The following NRG1 variants were observed in gnomAD, a reference collection of about 807,000 sequenced individuals.
The protein encoded by NRG1 is neuregulin 1, also known as pro-neuregulin-1, membrane-bound isoform.
Under a neutral mutation model 63.8 loss-of-function variants are expected in NRG1, and 18 were observed. The ratio of observed to expected loss-of-function variants is 0.28; its 90% CI spans 0.19 to 0.42. The LOEUF is 0.42. Among genes scored for constraint, NRG1 ranks in the 10% least tolerant of loss-of-function variants. The probability of loss-of-function intolerance (pLI) is 1.00; values close to 1 mark genes in which losing one functional copy is unlikely to be tolerated. For missense variants in NRG1, 762 were observed against 814.7 expected, an observed-to-expected ratio of 0.94 and a Z score of 0.79; for synonymous variants, 302 against 301.3, an observed-to-expected ratio of 1.00 and a Z score of -0.02.
chr8:32,518,527 T>G (rs1052628234), intron 1 of NRG1, among the ~76,000 whole-genome samples: 1 of 152,098 alleles, frequency 6.6e-6, no homozygotes, highest in Non-Finnish European at 1.5e-5. Flanking sequence ...TGGAATGTAA[T>G]TTGTACAAAG....
At chr8:31,660,504 G>A (rs978579188) in intron 1 of NRG1, among the ~76,000 whole-genome samples, 1 of 152,158 alleles carries the variant, frequency 6.6e-6, no homozygotes, top group African/African-American at 2.4e-5. Context: ...GAAGAATGTT[G>A]CATATATTAT....
intron 1 of NRG1, among the ~76,000 whole-genome samples, chr8:32,343,631 A>T (rs1173224704): frequency 6.6e-6 from 1 of 152,216 alleles, no homozygotes; most frequent in Admixed American, 6.5e-5. Flanking sequence ...GGGAGGTGGT[A>T]GTGGTGAATC....
In NRG1 at chr8:32,011,652, T is replaced by C. The variant is rs891809974; in HGVS notation, c.37+372221T>C. Among the ~76,000 whole-genome samples, 7 of 152,208 alleles carry C rather than the reference T, an allele frequency of 4.6e-5. No individual in the cohort carries two copies. The East Asian group carries it at 1.4e-3, about 29-fold the overall frequency. On this transcript the variant is annotated intron_variant, in intron 1 of 10. Coordinates refer to the NRG1 transcript ENST00000519301. Reference sequence around the variant, plus strand: ...GCTACAAAATGTTGTTTGTGGACAATTCTCCTGAGCACCACTCTCCCTCTC... The same window carrying C: ...GCTACAAAATGTTGTTTGTGGACAACTCTCCTGAGCACCACTCTCCCTCTC...
At chr8:32,055,151 A>G (rs1337608446) in intron 1 of NRG1, among the ~76,000 whole-genome samples, 1 of 151,836 alleles carries the variant, frequency 6.6e-6, no homozygotes, top group East Asian at 1.9e-4. Context: ...TGGCCTCCCA[A>G]AGTGCTGGGA....
intron 1 of NRG1, among the ~76,000 whole-genome samples, chr8:31,790,124 C>T (rs1198799125): frequency 6.6e-6 from 1 of 152,116 alleles, no homozygotes; most frequent in Non-Finnish European, 1.5e-5. Context: ...ACATTGCCCA[C>T]TAATACACAT....
chr8:32,229,832 T>C (rs886504784), intron 1 of NRG1, among the ~76,000 whole-genome samples: 1 of 151,930 alleles, frequency 6.6e-6, no homozygotes, highest in Non-Finnish European at 1.5e-5. Context: ...TAGAATTCTC[T>C]AGACACATTT....
intron 1 of NRG1, among the ~76,000 whole-genome samples, chr8:31,847,623 A>G (rs753175138): frequency 3.9e-5 from 6 of 152,204 alleles, no homozygotes; most frequent in Non-Finnish European, 5.9e-5. Flanking sequence ...CCCTTTTATC[A>G]TATTGGGTTA....
chr8:32,648,531 A>G (rs1349670852), intron 5 of NRG1: 12 of 1,235,316 alleles, frequency 9.7e-6, no homozygotes, highest in African/African-American at 3.1e-5. Context: ...TTGGGATGGC[A>G]TTGAAGGGCC....
intron 1 of NRG1, among the ~76,000 whole-genome samples, chr8:31,799,762 G>A (rs866094121): frequency 6.6e-6 from 1 of 151,856 alleles, no homozygotes; most frequent in Non-Finnish European, 1.5e-5. Flanking sequence ...ATACACGTAT[G>A]CATACATATA....
rs530449811 is a variant in NRG1, at chr8:32,647,219, A to T, written c.502+30334A>T. 262 of 985,178 alleles carry T rather than the reference A, an allele frequency of 2.7e-4. 2 individuals carry two copies. The African/African-American group carries it at 4.1e-3, about 15-fold the overall frequency. 61.0% of individuals were successfully genotyped at this position (985,178 alleles called of 1,614,324 possible). On this transcript the variant is annotated intron_variant, in intron 5 of 11. Coordinates refer to ENST00000356819, the Ensembl canonical transcript of NRG1. Reference sequence around the variant, plus strand: ...ACAACAGGATGCTGTTGCTATTGTCACTACTGCCTCTCCTGCCGCCGCTGC... The same window carrying T: ...ACAACAGGATGCTGTTGCTATTGTCTCTACTGCCTCTCCTGCCGCCGCTGC...
intron 1 of NRG1, among the ~76,000 whole-genome samples, chr8:32,172,429 A>C (rs940135013): frequency 6.6e-6 from 1 of 152,238 alleles, no homozygotes; most frequent in Non-Finnish European, 1.5e-5. Context: ...AACTCTAAAA[A>C]TCAGAACGCC....
chr8:32,108,075 A>G (rs538864927), intron 1 of NRG1, among the ~76,000 whole-genome samples: 17 of 152,168 alleles, frequency 1.1e-4, no homozygotes, highest in Non-Finnish European at 2.2e-4. Flanking sequence ...ATGTAGATTC[A>G]TATCAAAAAT....
intron 1 of NRG1, chr8:32,139,307 C>A (rs1017963814): frequency 6.6e-6 from 1 of 152,138 alleles, no homozygotes; most frequent in Non-Finnish European, 1.5e-5. Flanking sequence ...AGGCAAACAC[C>A]TGGGGGAGAA....
chr8:32,325,535 A>T (rs1211726357), intron 1 of NRG1, among the ~76,000 whole-genome samples: 1 of 152,048 alleles, frequency 6.6e-6, no homozygotes, highest in Non-Finnish European at 1.5e-5. Context: ...ATGTGCTGCT[A>T]TGCCTGGTTA....
chr8:32,432,712 C>T (rs1468369904), intron 1 of NRG1, among the ~76,000 whole-genome samples: 4 of 151,836 alleles, frequency 2.6e-5, no homozygotes, highest in Admixed American at 6.6e-5. Flanking sequence ...AGGCTGGTCT[C>T]GAACTCCTTT....
At chr8:32,166,525 G>A (rs1217721185) in intron 1 of NRG1, among the ~76,000 whole-genome samples, 1 of 152,144 alleles carries the variant, frequency 6.6e-6, no homozygotes, top group African/African-American at 2.4e-5. Flanking sequence ...GAGAAGCAAA[G>A]CTACATGTGT....
At chr8:32,570,417 A>C (rs760173126) in intron 1 of NRG1, among the ~76,000 whole-genome samples, 1 of 152,202 alleles carries the variant, frequency 6.6e-6, no homozygotes, top group Non-Finnish European at 1.5e-5. Flanking sequence ...TGGAGAGCTT[A>C]TATTCTAAAG....
chr8:31,905,077 A>G (rs1239101228), intron 1 of NRG1, among the ~76,000 whole-genome samples: 1 of 152,076 alleles, frequency 6.6e-6, no homozygotes, highest in Non-Finnish European at 1.5e-5. Context: ...CATTGTGGAC[A>G]TCATACAAGC....
intron 1 of NRG1, among the ~76,000 whole-genome samples, chr8:32,378,969 A>G (rs1254049538): frequency 1.3e-5 from 2 of 152,138 alleles, no homozygotes; most frequent in African/African-American, 4.8e-5. Flanking sequence ...TTTTGGCTGC[A>G]TAGTATTCCA....
Sources: allele counts gnomAD v4.1 joint callset (sites outside exome capture counted in the v4.1 genomes callset), GRCh38; gene constraint gnomAD v4.1.1; transcripts MANE v1.5; gene names NCBI Gene and HGNC (gene_info 2026-07-23, HGNC 2026-07-21).